The following CCDC141 variants were observed in gnomAD, a reference collection of about 807,000 sequenced individuals.
The protein encoded by CCDC141 is coiled-coil domain containing 141.
Under a neutral mutation model 181.0 loss-of-function variants are expected in CCDC141, and 168 were observed. The observed-to-expected ratio is 0.93, with a 90% confidence interval of 0.82 to 1.05. The LOEUF (loss-of-function observed/expected upper bound fraction) is 1.05. Ranked by LOEUF, CCDC141 falls within the 50% of genes least tolerant of loss-of-function variation. CCDC141 has a pLI of 0.00. For synonymous variants in CCDC141, 666 were observed against 642.3 expected (o/e 1.04, Z -0.56); for missense variants, 1,902 against 1,788.5 (o/e 1.06, Z -1.14).
chr2:178,966,161 C>T (rs969061299), intron 4 of CCDC141, among the ~76,000 whole-genome samples: 3 of 152,230 alleles, frequency 2.0e-5, no homozygotes, highest in African/African-American at 7.2e-5. Context: ...GGATAGAGCA[C>T]CTGGGGAAAG....
At chr2:178,954,927 G>A (rs1350760355) in intron 5 of CCDC141, among the ~76,000 whole-genome samples, 3 of 152,066 alleles carry the variant, frequency 2.0e-5, no homozygotes, top group Non-Finnish European at 4.4e-5. Flanking sequence ...TACTAACTGA[G>A]TGACACTCAG....
rs2154380376 is a variant in CCDC141 at position 178,975,052 on chromosome 2, C to A, written c.526+5G>T. On this transcript the variant is annotated splice_donor_5th_base_variant and intron_variant, in intron 4 of 23. Transcript: ENST00000443758. Reference sequence around the variant, plus strand: ...ACTTCTGTGAGAAATAAACATATTTCTTGCCTTTAGTATGATGTTCATGAA... The same window carrying A: ...ACTTCTGTGAGAAATAAACATATTTATTGCCTTTAGTATGATGTTCATGAA... 6 of 1,395,938 alleles carry A rather than the reference C, an allele frequency of 4.3e-6. No individual in the cohort carries two copies. In the East Asian group the frequency reaches 1.5e-4, roughly 36 times the overall value. The allele number at this position is 1,395,938 out of a possible 1,614,324, so 86.5% of individuals were successfully genotyped here. A position where few individuals can be genotyped will look rare whatever the true frequency, so the allele number is the denominator to read the frequency against.
chr2:179,025,910 C>T (rs2042830624), intron 2 of CCDC141, among the ~76,000 whole-genome samples: 1 of 152,100 alleles, frequency 6.6e-6, no homozygotes, highest in Non-Finnish European at 1.5e-5. Context: ...TTTGTCCCTG[C>T]CCTAGAGATT....
intron 2 of CCDC141, among the ~76,000 whole-genome samples, chr2:178,981,021 T>C (rs1161846014): frequency 6.6e-6 from 1 of 152,110 alleles, no homozygotes; most frequent in Admixed American, 6.5e-5. Flanking sequence ...TGTTACGTAA[T>C]AATAAAGGAG....
intron 5 of CCDC141, among the ~76,000 whole-genome samples, chr2:178,957,096 C>T (rs532164970): frequency 1.3e-5 from 2 of 152,276 alleles, no homozygotes; most frequent in East Asian, 1.9e-4. Context: ...TGATCTCGAA[C>T]TCCTGATCTC....
chr2:179,006,019 C>T (rs2042114244), intron 2 of CCDC141, among the ~76,000 whole-genome samples: 1 of 152,186 alleles, frequency 6.6e-6, no homozygotes, highest in African/African-American at 2.4e-5. Flanking sequence ...AGTGAGGATA[C>T]ACCTCCAACA....
At chr2:178,869,415 T>C in intron 14 of CCDC141, 110 bp from the exon 15 acceptor site, 1 of 767,934 alleles carries the variant, frequency 1.3e-6, no homozygotes, top group South Asian at 2.4e-5. Context: ...TGTTAACAAA[T>C]ACTTATTATG....
chr2:178,971,211 TA>T (rs879397135), intron 4 of CCDC141, among the ~76,000 whole-genome samples: 76 of 151,170 alleles, frequency 5.0e-4, no homozygotes, highest in Admixed American at 1.1e-3. Context: ...CCACCTCAAT[TA>T]AAAAAAAATT....
chr2:178,906,695 A>C (rs1687987628), intron 7 of CCDC141, among the ~76,000 whole-genome samples: 1 of 152,186 alleles, frequency 6.6e-6, no homozygotes, highest in South Asian at 2.1e-4. Context: ...TAGAGCAGGA[A>C]GACCCCACAG....
chr2:178,823,520 A>C, the CCDC141 span, among the ~76,000 whole-genome samples: 46 of 152,292 alleles, frequency 3.0e-4, 1 homozygote, highest in African/African-American at 1.1e-3. Context: ...AGCTAGAAAA[A>C]TTCATCTTTA....
rs1467289392 is a variant in CCDC141, at chr2:178,978,613, C to T, written c.288G>A (p.Lys96=). 1 of 1,549,706 alleles carries T rather than the reference C, an allele frequency of 6.5e-7. No homozygotes were observed. The highest frequency in any genetic ancestry group is 2.0e-5 in the Admixed American group (1 of 50,898). ...QEADKTAEEN[K]DQSQVYDAMA... ...TGGCATCATAGACCTGACTCTGATC[C>T]TTGTTCTCTTCAGCTGTCTTGTCTG... Residue 96 remains lysine (K), a synonymous_variant, in exon 3 of 24, where the codon AAG becomes AAA. Coordinates refer to ENST00000443758, the MANE Select transcript of CCDC141 (RefSeq NM_173648.4).
chr2:178,991,335 C>A (rs1437912488), intron 2 of CCDC141, among the ~76,000 whole-genome samples: 1 of 152,132 alleles, frequency 6.6e-6, no homozygotes, highest in African/African-American at 2.4e-5. Flanking sequence ...CTATATTGAA[C>A]TTTTCACACG....
rs528196711 is a variant in CCDC141 at position 178,961,471 on chromosome 2, C to T, written c.539G>A (p.Arg180Gln). 55 of 1,547,584 alleles carry T rather than the reference C, an allele frequency of 3.6e-5. 1 individual carries two copies. The South Asian group carries it at 4.4e-4, about 12-fold the overall frequency. The change falls in exon 5 of 24, where the codon CGG becomes CAG. Residue 180 changes from arginine to glutamine, a missense_variant. By Grantham distance (43) the Arg-to-Gln change is conservative (BLOSUM62 1). Transcript: ENST00000443758. ...HEHHTKELLERSLALLNKSQQ... is the reference protein window; with the variant it reads ...HEHHTKELLEQSLALLNKSQQ... ...ACTTTTGTTTAAAAGGGCTAAAGACCGTTCCAAGAGTTCTAGAAGAAAATT... is the reference window on the plus strand; with the variant it reads ...ACTTTTGTTTAAAAGGGCTAAAGACTGTTCCAAGAGTTCTAGAAGAAAATT...
In CCDC141 at chr2:179,050,135, A is replaced by C. The variant is rs2043631782; in HGVS notation, c.-194T>G. ...TTGAGTTTATCGTGAGAGAGAAAGGAGCGAACGAGAGAGAATTGCCACGCC... is the reference window on the plus strand; with the variant it reads ...TTGAGTTTATCGTGAGAGAGAAAGGCGCGAACGAGAGAGAATTGCCACGCC... On this transcript the variant is annotated 5_prime_UTR_variant, in exon 1 of 24. Coordinates refer to ENST00000443758, the MANE Select transcript of CCDC141 (RefSeq NM_173648.4). 1 of 751,914 alleles carries C rather than the reference A, an allele frequency of 1.3e-6. No homozygotes were observed. The highest frequency in any genetic ancestry group is 1.8e-5 in the African/African-American group (1 of 56,776). The allele number at this position is 751,914 out of a possible 1,614,324, so 46.6% of individuals were successfully genotyped here.
At chr2:178,988,034 G>T (rs978243623) in intron 2 of CCDC141, among the ~76,000 whole-genome samples, 7 of 151,884 alleles carry the variant, frequency 4.6e-5, no homozygotes, top group Non-Finnish European at 1.0e-4. Flanking sequence ...GTTTACTGCG[G>T]CACTATTCAC....
At chr2:178,856,119 AG>A (rs1685374344) in intron 18 of CCDC141, 137 bp downstream of exon 18, 2 of 666,432 alleles carry the variant, frequency 3.0e-6, no homozygotes, top group Non-Finnish European at 4.8e-6. Context: ...TTATAAAAAT[AG>A]AAAAATACCC....
the CCDC141 span, among the ~76,000 whole-genome samples, chr2:178,821,355 G>T: frequency 6.6e-6 from 1 of 152,052 alleles, no homozygotes; most frequent in Non-Finnish European, 1.5e-5. Context: ...TCTGTCTTCT[G>T]CTTCCCAGGA....
chr2:179,050,097 A>G lies in CCDC141; in HGVS notation c.-156T>C. The G allele has an allele frequency of 1.7e-6, 2 of 1,146,036 alleles. No individual in the cohort carries two copies. Among genetic ancestry groups the G allele is most frequent in the Non-Finnish European group, 1.2e-6 (1 of 838,562 alleles). The allele number at this position is 1,146,036 out of a possible 1,614,324, so 71.0% of individuals were successfully genotyped here. A position where few individuals can be genotyped will look rare whatever the true frequency, so the allele number is the denominator to read the frequency against. On this transcript the variant is annotated 5_prime_UTR_variant, in exon 1 of 24. Transcript: ENST00000443758. ...AAAAGGAAAGAACAGGAGGTTAAAA[A>G]TAGACAACCCCATTGAGTTTATCGT... is the stretch of plus-strand genomic sequence containing the variant.
chr2:178,997,736 A>G (rs551517934), intron 2 of CCDC141, among the ~76,000 whole-genome samples: 2 of 152,268 alleles, frequency 1.3e-5, no homozygotes, highest in East Asian at 1.9e-4. Context: ...AACCATTGAT[A>G]ACACCCTCGA....
Sources: allele counts gnomAD v4.1 joint callset (sites outside exome capture counted in the v4.1 genomes callset), GRCh38; gene constraint gnomAD v4.1.1; transcripts MANE v1.5; gene names NCBI Gene and HGNC (gene_info 2026-07-23, HGNC 2026-07-21).